SPTBN5: variants seen among roughly 807,000 people sequenced by gnomAD.
The protein encoded by SPTBN5 is spectrin beta, non-erythrocytic 5, also known as spectrin beta chain, non-erythrocytic 5.
In SPTBN5, 513 loss-of-function variants were observed where a neutral mutation model predicts 477.6. That is an observed-to-expected ratio of 1.07 (90% CI 1.00 to 1.16). SPTBN5 has a LOEUF of 1.16. SPTBN5 is among the 50% of genes most tolerant of loss of function. The pLI, the probability that SPTBN5 is intolerant of heterozygous loss-of-function variation, is 0.00. For missense variants in SPTBN5, 5,062 were observed against 4,731.8 expected, an observed-to-expected ratio of 1.07 and a Z score of -2.05; for synonymous variants, 2,169 against 2,011.7, an observed-to-expected ratio of 1.08 and a Z score of -2.09.
chr15:41,850,782 A>G, intron 66 of SPTBN5, 72 bp downstream of exon 66: 2 of 1,354,344 alleles, frequency 1.5e-6, no homozygotes, highest in Non-Finnish European at 2.0e-6. Context: ...GGATGCATAA[A>G]ACACTAGGGG....
In SPTBN5 at chr15:41,893,046, G is replaced by A. The variant is rs547961773; in HGVS notation, c.232C>T (p.Arg78Trp). 35 of 1,611,262 alleles carry A rather than the reference G, an allele frequency of 2.2e-5. No homozygotes were observed. The highest frequency in any genetic ancestry group is 4.5e-5 in the East Asian group (2 of 44,864). Residue 78 changes from arginine to tryptophan, a missense_variant, in exon 3 of 68, where the codon CGG (arginine) becomes TGG (tryptophan). Transcript: ENST00000320955. ...TCAGCCAGCTCTGTGTACAGGTTCC[G>A]GATCTTGATGCCCGCCTGGGGAGGG... is the stretch of plus-strand genomic sequence containing the variant. Reference protein sequence around the residue: ...FQCGQAGIKIRNLYTELADGI... With the variant: ...FQCGQAGIKIWNLYTELADGI...
intron 44 of SPTBN5, 83 bp from the exon 45 acceptor site, chr15:41,862,006 G>C: frequency 6.5e-7 from 1 of 1,531,174 alleles, no homozygotes; most frequent in South Asian, 1.2e-5. Context: ...GCTGAGGAGC[G>C]GGAGGCTGGA....
Position 41,860,765 on chromosome 15 carries a change from G to A in SPTBN5, c.7816-7C>T. Reference sequence around the variant, plus strand: ...CCATGGGGGCCAAGGGGTCCTGGTGGGAGTGGGGAACCCAATACTGTCCAT... The same window carrying A: ...CCATGGGGGCCAAGGGGTCCTGGTGAGAGTGGGGAACCCAATACTGTCCAT... On this transcript the variant is annotated splice_polypyrimidine_tract_variant and splice_region_variant and intron_variant, in intron 46 of 67. Transcript: ENST00000320955. 1 of 1,568,978 alleles carries A rather than the reference G, an allele frequency of 6.4e-7. No individual in the cohort carries two copies. Among genetic ancestry groups the A allele is most frequent in the Non-Finnish European group, 8.6e-7 (1 of 1,158,972 alleles).
In SPTBN5 at chr15:41,858,658, G is replaced by C; in HGVS notation, c.8170C>G (p.Gln2724Glu). 6.2e-7 allele frequency: 1 copy of C among 1,611,610 alleles called. No individual in the cohort carries two copies. The highest frequency in any genetic ancestry group is 8.5e-7 in the Non-Finnish European group (1 of 1,179,426). Residue 2724 changes from glutamine (Q) to glutamate (E), a missense_variant, in exon 49 of 68, where the codon CAG (glutamine) becomes GAG (glutamate). Physicochemically the swap from Gln to Glu is conservative, Grantham distance 29. Coordinates refer to ENST00000320955, the MANE Select transcript of SPTBN5 (RefSeq NM_016642.4). ...AMLPAQLQKQ[Q>E]NFQAELDASM... ...GCGTCCAGCTCCGCCTGGAAATTCTGCTGCTTCTGTAACTGTGCTGGCAGC... is the reference window on the plus strand; with the variant it reads ...GCGTCCAGCTCCGCCTGGAAATTCTCCTGCTTCTGTAACTGTGCTGGCAGC...
rs377353898 is a variant in SPTBN5, at chr15:41,877,744, G to A, written c.3471-388C>T. 2.7e-4 allele frequency among the ~76,000 whole-genome samples: 41 copies of A among 152,324 alleles called. No individual in the cohort carries two copies. The East Asian group carries it at 5.0e-3, about 19-fold the overall frequency. On this transcript the variant is annotated intron_variant, in intron 17 of 67. Coordinates refer to ENST00000320955, the MANE Select transcript of SPTBN5 (RefSeq NM_016642.4). ...ACACCCTTGTGTGAATTAGAGCAAG[G>A]CTCCACTTCCTCTGAGCCGCTGCAG...
chr15:41,858,676 C>T lies in SPTBN5; in HGVS notation c.8152G>A (p.Ala2718Thr). 1.9e-6 allele frequency: 3 copies of T among 1,610,970 alleles called. No homozygotes were observed. Among genetic ancestry groups the T allele is most frequent in the Non-Finnish European group, 1.7e-6 (2 of 1,179,176 alleles). Reference protein sequence around the residue: ...EGLLDTAMLPAQLQKQQNFQA... With the variant: ...EGLLDTAMLPTQLQKQQNFQA... ...AAATTCTGCTGCTTCTGTAACTGTG[C>T]TGGCAGCATGGCTGTGTCCAGCAAA... is the stretch of plus-strand genomic sequence containing the variant. Residue 2718 changes from alanine (A) to threonine (T), a missense_variant, in exon 49 of 68, where the codon GCA (alanine) becomes ACA (threonine). By Grantham distance (58) the Ala-to-Thr change is moderately conservative (BLOSUM62 0). Transcript: ENST00000320955.
At position 41,871,830 on chromosome 15, in the gene SPTBN5, C is replaced by T. The variant is rs1158648986; in HGVS notation, c.5253G>A (p.Gln1751=). ...DLQGWLASQK[Q]AAKGGESLGE... ...CCAGGCTCTCCCCTCCTTTGGCTGC[C>T]TGCTTCTGGCTTGCCAGCCAGCCCT... The change falls in exon 28 of 68, where the codon CAG becomes CAA. Residue 1751 remains glutamine (Q), a synonymous_variant. Coordinates refer to ENST00000320955, the MANE Select transcript of SPTBN5 (RefSeq NM_016642.4). 1.2e-5 allele frequency: 19 copies of T among 1,591,102 alleles called. No individual in the cohort carries two copies. The highest frequency in any genetic ancestry group is 1.5e-5 in the Non-Finnish European group (18 of 1,169,328).
chr15:41,867,036 T>G lies in SPTBN5; in HGVS notation c.6403A>C (p.Lys2135Gln). 6.4e-7 allele frequency: 1 copy of G among 1,554,546 alleles called. No homozygotes were observed. Among genetic ancestry groups the G allele is most frequent in the Admixed American group, 1.9e-5 (1 of 51,738 alleles). ...TGTCCCCGGCTCTCCGCCAGCTCCTTCACTCTCATCCGGCGCTGCAGCAGG... is the reference window on the plus strand; with the variant it reads ...TGTCCCCGGCTCTCCGCCAGCTCCTGCACTCTCATCCGGCGCTGCAGCAGG... ...PILLQRRMRV[K>Q]ELAESRGHAL... The change falls in exon 36 of 68, where the codon AAG becomes CAG. Residue 2135 changes from lysine (K) to glutamine (Q), a missense_variant. Physicochemically the swap from Lys to Gln is moderately conservative, Grantham distance 53 (BLOSUM62 1). Transcript: ENST00000320955.
intron 8 of SPTBN5, 29 bp from the exon 9 acceptor site, chr15:41,883,257 G>A: frequency 6.2e-7 from 1 of 1,605,144 alleles, no homozygotes; most frequent in Non-Finnish European, 8.5e-7. Context: ...CATTGCAGTG[G>A]TCCCAAGGTG....
Position 41,855,357 on chromosome 15 carries a change from C to A in SPTBN5, c.9290G>T (p.Arg3097Met). The A allele has an allele frequency of 6.2e-7, 1 of 1,605,840 alleles. No individual in the cohort carries two copies. Among genetic ancestry groups the A allele is most frequent in the South Asian group, 1.1e-5 (1 of 91,052 alleles). ...HAELLRRAEARGHGLQEQLQL... is the reference protein window; with the variant it reads ...HAELLRRAEAMGHGLQEQLQL... ...CAGCTGCTCCTGCAGGCCGTGCCCC[C>A]TGGCCTCCGCCCTCCGCAGCAGCTC... The change falls in exon 55 of 68, where the codon AGG becomes ATG. Residue 3097 changes from arginine (R) to methionine (M), a missense_variant. Coordinates refer to ENST00000320955, the MANE Select transcript of SPTBN5 (RefSeq NM_016642.4).
chr15:41,856,330 G>T (rs530085141), intron 53 of SPTBN5, 56 bp downstream of exon 53: 3 of 1,436,050 alleles, frequency 2.1e-6, no homozygotes, highest in East Asian at 2.6e-5. Context: ...CCTCCCAGCC[G>T]CACTCGCCCT....
Position 41,882,573 on chromosome 15 carries a change from G to C in SPTBN5, c.2046+12C>G, listed in dbSNP as rs193166241. The stretch of plus-strand genomic sequence containing the variant: ...CGCTGGCGACCGGCGGGCGCGCTCG[G>C]GGAGCTGACACCTTGTGTTTCTGCA... On this transcript the variant is annotated intron_variant, in intron 10 of 67. Transcript: ENST00000320955. 106 of 1,589,344 alleles carry C rather than the reference G, an allele frequency of 6.7e-5. No homozygotes were observed. The African/African-American group carries it at 1.3e-3, about 20-fold the overall frequency.
At chr15:41,852,386 T>G (rs1370854559) in intron 61 of SPTBN5, 70 bp from the exon 62 acceptor site, 13 of 1,491,270 alleles carry the variant, frequency 8.7e-6, no homozygotes, top group African/African-American at 1.4e-5. Flanking sequence ...GGTTCCCGTC[T>G]ACCTCCCCTC....
chr15:41,850,010 G>A, intron 66 of SPTBN5, 51 bp from the exon 67 acceptor site: 2 of 1,461,938 alleles, frequency 1.4e-6, no homozygotes, highest in Middle Eastern at 1.7e-4. Context: ...CCATCTGCAG[G>A]CGCCAGGTCT....
chr15:41,861,810 T>C lies in SPTBN5; in HGVS notation c.7662A>G (p.Leu2554=). ...SSDIRQVLAG[L]EQELSSLEGA... ...CTTCCAGGCTGCTCAGCTCCTGTTCTAAGCCAGCCAGCACCTGGCGAATGT... is the reference window on the plus strand; with the variant it reads ...CTTCCAGGCTGCTCAGCTCCTGTTCCAAGCCAGCCAGCACCTGGCGAATGT... The change falls in exon 45 of 68, where the codon TTA becomes TTG. Residue 2554 remains leucine, a synonymous_variant. Coordinates refer to ENST00000320955, the MANE Select transcript of SPTBN5 (RefSeq NM_016642.4). 1 of 1,585,780 alleles carries C rather than the reference T, an allele frequency of 6.3e-7. No homozygotes were observed.
chr15:41,875,051 T>G lies in SPTBN5; in HGVS notation c.4293A>C (p.Ala1431=). The G allele has an allele frequency of 6.2e-7, 1 of 1,610,522 alleles. No homozygotes were observed. The highest frequency in any genetic ancestry group is 8.5e-7 in the Non-Finnish European group (1 of 1,177,960). The change falls in exon 23 of 68, where the codon GCA becomes GCC. Residue 1431 remains alanine, a synonymous_variant. Transcript: ENST00000320955. The stretch of plus-strand genomic sequence containing the variant: ...CTTCGAGCTGCTCCAGCTGCTCCTT[T>G]GCATCCTGGGAGGGACGCATGGAGC... ...QEQLLRQLQD[A]KEQLEQLEGA... is the part of the protein sequence containing the mutation.
At chr15:41,871,343 C>A in intron 29 of SPTBN5, 32 bp downstream of exon 29, 1 of 1,387,826 alleles carries the variant, frequency 7.2e-7, no homozygotes, top group Non-Finnish European at 9.4e-7. Context: ...TTCCCCCAAA[C>A]CCCATGCTGG....
chr15:41,853,504 G>A, intron 58 of SPTBN5, 57 bp from the exon 59 acceptor site: 1 of 1,534,222 alleles, frequency 6.5e-7, no homozygotes, highest in South Asian at 1.2e-5. Flanking sequence ...GGGGAGGGAG[G>A]GTCCAGCTCC....
At chr15:41,865,119 G>A (rs1215305729) in intron 39 of SPTBN5, among the ~76,000 whole-genome samples, 1 of 152,134 alleles carries the variant, frequency 6.6e-6, no homozygotes, top group Non-Finnish European at 1.5e-5. Context: ...CATGTACCGG[G>A]GGACAAGGTT....
Sources: allele counts gnomAD v4.1 joint callset (sites outside exome capture counted in the v4.1 genomes callset), GRCh38; gene constraint gnomAD v4.1.1; transcripts MANE v1.5; gene names NCBI Gene and HGNC (gene_info 2026-07-23, HGNC 2026-07-21).